Variants in PUDP observed in about 807,000 individuals in gnomAD.
The protein encoded by PUDP is pseudouridine 5'-phosphatase, also known as pseudouridine-5'-phosphatase.
PUDP carries 8 observed loss-of-function variants against 9.4 expected under a neutral mutation model. That is an observed-to-expected ratio of 0.85 (90% CI 0.50 to 1.53). The LOEUF (loss-of-function observed/expected upper bound fraction) is 1.53. Among genes scored for constraint, PUDP ranks in the 40% most tolerant of loss-of-function variants. The pLI is 0.00. For missense variants in PUDP, 188 were observed against 189.7 expected (o/e 0.99, Z 0.05); for synonymous variants, 99 against 80.7 (o/e 1.23, Z -1.22).
chrX:7,007,663 G>C (rs1929420399), intron 1 of PUDP, among the ~76,000 whole-genome samples: 1 of 106,679 alleles, frequency 9.4e-6, no homozygotes, highest in African/African-American at 3.6e-5. Context: ...GCAAGTGGGG[G>C]CTTAGCTTAA....
intron 3 of PUDP, among the ~76,000 whole-genome samples, chrX:6,758,346 C>T (rs1256022925): frequency 2.7e-5 from 3 of 109,992 alleles, no homozygotes. Flanking sequence ...ACCTCTGGTC[C>T]CTGATACTTG....
intron 3 of PUDP, among the ~76,000 whole-genome samples, chrX:6,888,593 T>A (rs977620523): frequency 9.0e-6 from 1 of 110,820 alleles, no homozygotes; most frequent in Admixed American, 9.6e-5. Context: ...GAGGTTGCAG[T>A]GAGCCGAGAT....
chrX:6,723,721 G>T (rs898400973), upstream of PUDP, among the ~76,000 whole-genome samples: 2 of 92,982 alleles, frequency 2.2e-5, no homozygotes, highest in Non-Finnish European at 4.3e-5. Context: ...ACAAAAAAAC[G>T]CCTGATTGAT....
At chrX:6,992,661 G>A (rs938193370) in intron 1 of PUDP, among the ~76,000 whole-genome samples, 1 of 111,044 alleles carries the variant, frequency 9.0e-6, no homozygotes, top group East Asian at 2.8e-4. Flanking sequence ...TCTGGGAAAT[G>A]AGCTCCACCA....
chrX:7,134,812 T>TATTA (rs1362878583), intron 1 of PUDP, among the ~76,000 whole-genome samples: 1 of 112,579 alleles, frequency 8.9e-6, no homozygotes, highest in Non-Finnish European at 1.9e-5. Flanking sequence ...TAAAGCACTG[T>TATTA]ATTAAAATCA....
chrX:6,888,163 C>T (rs1030207048), intron 3 of PUDP, among the ~76,000 whole-genome samples: 1 of 110,834 alleles, frequency 9.0e-6, no homozygotes, highest in Non-Finnish European at 1.9e-5. Flanking sequence ...TGCTAGAGGC[C>T]GCCCTAAGAA....
intron 3 of PUDP, among the ~76,000 whole-genome samples, chrX:6,970,947 A>T (rs1928864567): frequency 9.0e-6 from 1 of 111,091 alleles, no homozygotes; most frequent in South Asian, 3.9e-4. Flanking sequence ...GCTACTCAGG[A>T]GGCTGAGGTA....
At chrX:6,877,423 G>A (rs1244765174) in intron 3 of PUDP, among the ~76,000 whole-genome samples, 3 of 111,741 alleles carry the variant, frequency 2.7e-5, no homozygotes, top group East Asian at 2.8e-4. Flanking sequence ...TTAGACTTAC[G>A]GGATCTGCAA....
chrX:6,764,448 A>T (rs1168363134), intron 3 of PUDP, among the ~76,000 whole-genome samples: 1 of 111,739 alleles, frequency 8.9e-6, no homozygotes, highest in African/African-American at 3.3e-5. Flanking sequence ...GGAATTTATC[A>T]TGTTGGTCCT....
At chrX:7,019,641 C>T (rs1387768080) in intron 1 of PUDP, among the ~76,000 whole-genome samples, 1 of 111,810 alleles carries the variant, frequency 8.9e-6, no homozygotes, top group African/African-American at 3.3e-5. Flanking sequence ...AGCTTGGCCT[C>T]TTCTTCTCTT....
intron 1 of PUDP, among the ~76,000 whole-genome samples, chrX:6,996,631 T>C (rs1929255227): frequency 9.4e-6 from 1 of 106,893 alleles, no homozygotes; most frequent in East Asian, 2.9e-4. Flanking sequence ...TATGTGTGTG[T>C]ATATATATAT....
intron 3 of PUDP, among the ~76,000 whole-genome samples, chrX:6,782,658 G>GA (rs1925584133): frequency 8.9e-6 from 1 of 112,010 alleles, no homozygotes; most frequent in Admixed American, 9.5e-5. Context: ...TCCACCATAC[G>GA]ATTGGTCTCC....
chrX:6,869,827 G>A (rs1231926626), intron 3 of PUDP, among the ~76,000 whole-genome samples: 4 of 110,839 alleles, frequency 3.6e-5, no homozygotes, highest in Admixed American at 1.9e-4. Context: ...AAAATGGTGC[G>A]GCTCTTATGA....
intron 3 of PUDP, among the ~76,000 whole-genome samples, chrX:7,063,262 G>T (rs1569149401): frequency 8.9e-6 from 1 of 111,980 alleles, no homozygotes; most frequent in African/African-American, 3.3e-5. Flanking sequence ...CTGTGTGTAT[G>T]AATCTAAAGA....
At chrX:6,723,467 A>G (rs760362088), upstream of PUDP, among the ~76,000 whole-genome samples, 12 of 106,561 alleles carry the variant, frequency 1.1e-4, no homozygotes, top group Admixed American at 1.1e-3. Flanking sequence ...AAAGAGAAGA[A>G]AAAAACAAGT....
chrX:6,725,135 T>C (rs778899576), upstream of PUDP, among the ~76,000 whole-genome samples: 1 of 111,664 alleles, frequency 9.0e-6, no homozygotes, highest in East Asian at 2.8e-4. Flanking sequence ...TCCCCAAGGA[T>C]GCCACCAGGG....
chrX:6,894,494 C>T (rs147641137), intron 3 of PUDP, among the ~76,000 whole-genome samples: 5,528 of 111,994 alleles, frequency 0.049, 144 homozygotes, highest in East Asian at 0.15. Flanking sequence ...GTAGCGGAGA[C>T]GTGCAAAGTT....
chrX:6,956,682 C>T (rs6639731), intron 3 of PUDP, among the ~76,000 whole-genome samples: 23,406 of 110,964 alleles, frequency 0.21, 1,968 homozygotes, highest in Admixed American at 0.35. Flanking sequence ...TTTGCTGTTA[C>T]GGTGTACAAA....
intron 1 of PUDP, among the ~76,000 whole-genome samples, chrX:6,992,217 G>T (rs1191199835): frequency 9.3e-6 from 1 of 107,791 alleles, no homozygotes; most frequent in East Asian, 3.0e-4. Context: ...GTTCAAAATA[G>T]AGCTACATTC....
Sources: allele counts gnomAD v4.1 joint callset (sites outside exome capture counted in the v4.1 genomes callset), GRCh38; gene constraint gnomAD v4.1.1; transcripts MANE v1.5; gene names NCBI Gene and HGNC (gene_info 2026-07-23, HGNC 2026-07-21).